PPM1H: variants seen among roughly 807,000 people sequenced by gnomAD.
The protein encoded by PPM1H is protein phosphatase 1H.
Under a neutral mutation model 54.9 loss-of-function variants are expected in PPM1H, and 27 were observed. The ratio of observed to expected loss-of-function variants is 0.49; its 90% CI spans 0.36 to 0.68. The LOEUF is 0.68. Among genes scored for constraint, PPM1H ranks in the 30% least tolerant of loss-of-function variants. The pLI, the probability that PPM1H is intolerant of heterozygous loss-of-function variation, is 0.00. For missense variants in PPM1H, 596 were observed against 667.8 expected, an observed-to-expected ratio of 0.89 and a Z score of 1.19; for synonymous variants, 305 against 270.8, an observed-to-expected ratio of 1.13 and a Z score of -1.24.
At chr12:62,815,998 GCTAA>G (rs1456552760) in intron 2 of PPM1H, among the ~76,000 whole-genome samples, 1 of 152,156 alleles carries the variant, frequency 6.6e-6, no homozygotes, top group Non-Finnish European at 1.5e-5. Context: ...AGGGGACACT[GCTAA>G]CTAACTCCCA....
chr12:62,686,353 T>A (rs1368737866), intron 8 of PPM1H, among the ~76,000 whole-genome samples: 1 of 152,202 alleles, frequency 6.6e-6, no homozygotes, highest in East Asian at 1.9e-4. Flanking sequence ...AAGGAGGTTT[T>A]TACTTTGCTT....
chr12:62,809,396 C>G (rs1189657599), intron 2 of PPM1H, among the ~76,000 whole-genome samples: 1 of 152,112 alleles, frequency 6.6e-6, no homozygotes, highest in East Asian at 1.9e-4. Flanking sequence ...TCTTTCCTAC[C>G]TGGTTCTCCT....
At chr12:62,832,702 T>C (rs1565803218) in intron 1 of PPM1H, among the ~76,000 whole-genome samples, 1 of 152,158 alleles carries the variant, frequency 6.6e-6, no homozygotes. Context: ...ATCAATCTTA[T>C]CAAGGTACAT....
At chr12:62,684,802 C>G (rs2076042432) in intron 8 of PPM1H, among the ~76,000 whole-genome samples, 1 of 152,124 alleles carries the variant, frequency 6.6e-6, no homozygotes, top group Non-Finnish European at 1.5e-5. Flanking sequence ...AGTTATTCTT[C>G]CTTAGGTGGT....
At chr12:62,842,070 G>A (rs771511065) in intron 1 of PPM1H, among the ~76,000 whole-genome samples, 5 of 152,142 alleles carry the variant, frequency 3.3e-5, no homozygotes, top group Non-Finnish European at 7.3e-5. Context: ...AATTCCCGTA[G>A]AAGGCCCCAG....
chr12:62,916,893 T>C (rs1332261218), intron 1 of PPM1H, among the ~76,000 whole-genome samples: 1 of 145,008 alleles, frequency 6.9e-6, no homozygotes, highest in African/African-American at 2.6e-5. Flanking sequence ...TCGCTTAACA[T>C]CTGAAATGAA....
intron 6 of PPM1H, among the ~76,000 whole-genome samples, chr12:62,708,602 C>T (rs937639408): frequency 6.6e-6 from 1 of 152,208 alleles, no homozygotes; most frequent in African/African-American, 2.4e-5. Context: ...GGTAGTGTAC[C>T]TACTTCTCTG....
chr12:62,711,691 G>C (rs954595348), intron 6 of PPM1H, among the ~76,000 whole-genome samples: 2 of 152,166 alleles, frequency 1.3e-5, no homozygotes, highest in Non-Finnish European at 2.9e-5. Flanking sequence ...AGGGTCTGAG[G>C]GGGGAAGAAA....
At chr12:62,915,880 C>T (rs927640048) in intron 1 of PPM1H, among the ~76,000 whole-genome samples, 2 of 152,172 alleles carry the variant, frequency 1.3e-5, no homozygotes, top group Admixed American at 6.5e-5. Context: ...CAGAAATAGC[C>T]GCTTTCAAAC....
intron 1 of PPM1H, among the ~76,000 whole-genome samples, chr12:62,900,400 G>T (rs549277652): frequency 3.2e-4 from 48 of 151,916 alleles, no homozygotes; most frequent in Non-Finnish European, 5.0e-4. Context: ...GGTGGGGTAG[G>T]GGGGAGGGAT....
intron 9 of PPM1H, among the ~76,000 whole-genome samples, chr12:62,664,638 A>G (rs2075906282): frequency 6.6e-6 from 1 of 152,206 alleles, no homozygotes; most frequent in Non-Finnish European, 1.5e-5. Context: ...AGACATTCTT[A>G]TTACTGTTTT....
intron 8 of PPM1H, among the ~76,000 whole-genome samples, chr12:62,674,909 C>A (rs1174206420): frequency 6.6e-6 from 1 of 152,144 alleles, no homozygotes; most frequent in Non-Finnish European, 1.5e-5. Flanking sequence ...TCTCCCCTGT[C>A]TCTGTTTGTG....
chr12:62,928,224 T>C (rs1872032950), intron 1 of PPM1H, among the ~76,000 whole-genome samples: 1 of 152,218 alleles, frequency 6.6e-6, no homozygotes, highest in South Asian at 2.1e-4. Context: ...ATATGGGAGA[T>C]GGGCCAAACA....
At chr12:62,667,156 A>T in intron 9 of PPM1H, 22 bp downstream of exon 9, 1 of 1,543,200 alleles carries the variant, frequency 6.5e-7, no homozygotes, top group African/African-American at 1.4e-5. Context: ...GAACAACCCT[A>T]CAATTGTAGA....
At chr12:62,707,278 C>T (rs1237926816) in intron 6 of PPM1H, among the ~76,000 whole-genome samples, 6 of 152,180 alleles carry the variant, frequency 3.9e-5, no homozygotes, top group African/African-American at 1.2e-4. Flanking sequence ...CCTGACCCAC[C>T]GTTGCACCTG....
chr12:62,866,210 T>C (rs573219239), intron 1 of PPM1H, among the ~76,000 whole-genome samples: 10 of 152,250 alleles, frequency 6.6e-5, no homozygotes, highest in African/African-American at 1.9e-4. Flanking sequence ...CCCTGTCCTT[T>C]TGATGTCTTG....
intron 3 of PPM1H, among the ~76,000 whole-genome samples, chr12:62,792,622 A>G (rs1308732949): frequency 6.6e-6 from 1 of 152,176 alleles, no homozygotes; most frequent in Non-Finnish European, 1.5e-5. Flanking sequence ...CATAGACTTC[A>G]TCCCCCTGAA....
At chr12:62,847,734 A>G (rs1869028091) in intron 1 of PPM1H, among the ~76,000 whole-genome samples, 1 of 152,218 alleles carries the variant, frequency 6.6e-6, no homozygotes, top group African/African-American at 2.4e-5. Flanking sequence ...TGAGTAAATC[A>G]AAGTTTATTT....
At chr12:62,932,747 G>A (rs1278811206) in intron 1 of PPM1H, among the ~76,000 whole-genome samples, 1 of 143,936 alleles carries the variant, frequency 6.9e-6, no homozygotes, top group Non-Finnish European at 1.5e-5. Flanking sequence ...CGATTCTCCC[G>A]CCTCAGCCTC....
Sources: allele counts gnomAD v4.1 joint callset (sites outside exome capture counted in the v4.1 genomes callset), GRCh38; gene constraint gnomAD v4.1.1; transcripts MANE v1.5; gene names NCBI Gene and HGNC (gene_info 2026-07-23, HGNC 2026-07-21).